The following CDKAL1 variants were observed in gnomAD, a reference collection of about 807,000 sequenced individuals.
The protein encoded by CDKAL1 is threonylcarbamoyladenosine tRNA methylthiotransferase.
In CDKAL1, 32 loss-of-function variants were observed where a neutral mutation model predicts 68.2. The ratio of observed to expected loss-of-function variants is 0.47; its 90% CI spans 0.35 to 0.63. The LOEUF (loss-of-function observed/expected upper bound fraction) is 0.63. Ranked by LOEUF, CDKAL1 falls within the 30% of genes least tolerant of loss-of-function variation. CDKAL1 has a pLI of 0.00. For synonymous variants in CDKAL1, 234 were observed against 244.3 expected, an observed-to-expected ratio of 0.96 and a Z score of 0.39; for missense variants, 606 against 696.7, an observed-to-expected ratio of 0.87 and a Z score of 1.47.
intron 5 of CDKAL1, among the ~76,000 whole-genome samples, chr6:20,694,666 A>C (rs1771035569): frequency 6.6e-6 from 1 of 152,208 alleles, no homozygotes; most frequent in Admixed American, 6.5e-5. Context: ...AAACACCAGA[A>C]TGAAGGCCTT....
chr6:20,783,371 A>G (rs1775516986), intron 8 of CDKAL1, among the ~76,000 whole-genome samples: 1 of 152,160 alleles, frequency 6.6e-6, no homozygotes, highest in Admixed American at 6.5e-5. Flanking sequence ...CCAGGTACGT[A>G]TTTGGCCTAC....
chr6:21,152,175 C>CTT, intron 13 of CDKAL1, among the ~76,000 whole-genome samples: 1 of 152,100 alleles, frequency 6.6e-6, no homozygotes, highest in Non-Finnish European at 1.5e-5. Flanking sequence ...AGAAGAGGGT[C>CTT]CTCTCTTTCT....
At chr6:20,740,353 G>T (rs112755989) in intron 6 of CDKAL1, among the ~76,000 whole-genome samples, 1 of 152,064 alleles carries the variant, frequency 6.6e-6, no homozygotes, top group African/African-American at 2.4e-5. Context: ...AGTCAGCTCT[G>T]TGAAGTAAGG....
chr6:20,916,883 AAAAAAGACAAGATCGGGCGCAGTGGCTTG>A (rs144755900), intron 9 of CDKAL1, among the ~76,000 whole-genome samples: 4,137 of 152,248 alleles, frequency 0.027, 165 homozygotes, highest in African/African-American at 0.087. Flanking sequence ...AACAATAACA[AAAAAAGACAAGATCGGGCGCAGTGGCTTG>A]AAAGGCTGTT....
At chr6:20,736,509 G>A (rs1159885492) in intron 5 of CDKAL1, among the ~76,000 whole-genome samples, 6 of 152,070 alleles carry the variant, frequency 3.9e-5, no homozygotes, top group South Asian at 2.1e-4. Flanking sequence ...GGTGGCTCAC[G>A]CCTGTAATCC....
intron 4 of CDKAL1, among the ~76,000 whole-genome samples, chr6:20,563,606 C>T (rs1202188745): frequency 1.3e-5 from 2 of 151,282 alleles, no homozygotes; most frequent in Non-Finnish European, 2.9e-5. Flanking sequence ...CTCAAATTCC[C>T]TAGTCACTGG....
intron 15 of CDKAL1, among the ~76,000 whole-genome samples, chr6:21,222,647 G>A (rs1434237170): frequency 1.3e-5 from 2 of 152,038 alleles, no homozygotes; most frequent in Non-Finnish European, 2.9e-5. Context: ...AGATAGCTTG[G>A]CACCCTTAAT....
chr6:20,635,630 T>G (rs1289735091), intron 4 of CDKAL1, among the ~76,000 whole-genome samples: 1 of 152,198 alleles, frequency 6.6e-6, no homozygotes, highest in Non-Finnish European at 1.5e-5. Context: ...ATTTTGAATT[T>G]CAGAGTTTTG....
intron 4 of CDKAL1, among the ~76,000 whole-genome samples, chr6:20,641,577 T>G (rs1324136079): frequency 1.3e-5 from 2 of 152,246 alleles, no homozygotes; most frequent in African/African-American, 4.8e-5. Flanking sequence ...TTCTTTTTCC[T>G]TTGTAAAACA....
intron 9 of CDKAL1, among the ~76,000 whole-genome samples, chr6:20,859,663 G>A (rs1759512371): frequency 6.6e-6 from 1 of 152,216 alleles, no homozygotes; most frequent in Non-Finnish European, 1.5e-5. Flanking sequence ...AGAGTTTACA[G>A]AAAGAGAAGT....
At chr6:20,799,275 C>T (rs1021118524) in intron 8 of CDKAL1, among the ~76,000 whole-genome samples, 4 of 152,010 alleles carry the variant, frequency 2.6e-5, no homozygotes, top group Admixed American at 6.6e-5. Context: ...TGGTCTCGAA[C>T]TCCCAACCTC....
At chr6:20,798,018 G>A (rs1561786319) in intron 8 of CDKAL1, among the ~76,000 whole-genome samples, 1 of 151,672 alleles carries the variant, frequency 6.6e-6, no homozygotes, top group Non-Finnish European at 1.5e-5. Flanking sequence ...GTTTCACCGT[G>A]TTGCCCAGGC....
At chr6:20,677,861 A>G (rs1433657419) in intron 5 of CDKAL1, among the ~76,000 whole-genome samples, 1 of 152,100 alleles carries the variant, frequency 6.6e-6, no homozygotes, top group African/African-American at 2.4e-5. Flanking sequence ...AAATCTTCTA[A>G]TTTAGGTTTT....
At chr6:20,799,633 G>C (rs1776284095) in intron 8 of CDKAL1, 1 of 152,186 alleles carries the variant, frequency 6.6e-6, no homozygotes, top group African/African-American at 2.4e-5. Flanking sequence ...GTCTCCATTT[G>C]TTGATCAGAA....
In CDKAL1 at chr6:21,011,107, G is replaced by A. The variant is rs1040457385; in HGVS notation, c.1055+10735G>A. On this transcript the variant is annotated intron_variant, in intron 11 of 15. Transcript: ENST00000274695. ...AAAAAAAAAAAAAAAAGCCAGGCAC[G>A]GTGGCTTACACCTGTAATCCCAGCA... Among the ~76,000 whole-genome samples the A allele has an allele frequency of 1.2e-4, 18 of 145,526 alleles. 1 individual carries two copies. Among genetic ancestry groups the A allele is most frequent in the African/African-American group, 3.8e-4 (15 of 39,288 alleles).
chr6:21,194,231 C>T (rs1778375277), intron 13 of CDKAL1, among the ~76,000 whole-genome samples: 1 of 152,198 alleles, frequency 6.6e-6, no homozygotes, highest in African/African-American at 2.4e-5. Flanking sequence ...AGGGACAAAC[C>T]ATAGCAGGCT....
chr6:20,914,097 G>A (rs1392349105), intron 9 of CDKAL1, among the ~76,000 whole-genome samples: 1 of 152,072 alleles, frequency 6.6e-6, no homozygotes, highest in Non-Finnish European at 1.5e-5. Context: ...AGACCACCCT[G>A]GCTAACACAG....
At chr6:20,866,573 T>C (rs1229203924) in intron 9 of CDKAL1, among the ~76,000 whole-genome samples, 1 of 152,210 alleles carries the variant, frequency 6.6e-6, no homozygotes, top group African/African-American at 2.4e-5. Context: ...TCCTCAAATA[T>C]TCACACAGAT....
At chr6:21,137,096 G>A (rs992169776) in intron 13 of CDKAL1, among the ~76,000 whole-genome samples, 8 of 152,158 alleles carry the variant, frequency 5.3e-5, no homozygotes, top group African/African-American at 1.9e-4. Flanking sequence ...GAACTATTGG[G>A]AGGAGAAGGG....
Sources: gnomAD v4.1 joint callset for allele counts (sites outside exome capture counted in the v4.1 genomes callset) on GRCh38, gnomAD v4.1.1 for gene constraint, MANE v1.5 for transcripts, NCBI Gene and HGNC (gene_info 2026-07-23, HGNC 2026-07-21) for gene names.